The following ARMC9 variants were observed in gnomAD, a reference collection of about 807,000 sequenced individuals.
The protein encoded by ARMC9 is armadillo repeat containing 9.
A neutral mutation model predicts 107.0 loss-of-function variants in ARMC9; 94 were observed. The observed-to-expected ratio is 0.88, with a 90% CI of 0.74 to 1.04. The LOEUF is 1.04. ARMC9 is among the 50% of genes least tolerant of loss of function. ARMC9 has a pLI of 0.00. For synonymous variants in ARMC9, 380 were observed against 396.9 expected (o/e 0.96, Z 0.51); for missense variants, 942 against 1,030.1 (o/e 0.91, Z 1.17).
intron 9 of ARMC9, among the ~76,000 whole-genome samples, chr2:231,245,231 G>A (rs2036646861): frequency 6.6e-6 from 1 of 152,186 alleles, no homozygotes; most frequent in African/African-American, 2.4e-5. Flanking sequence ...CTGGGATATG[G>A]GAGAAATCAG....
chr2:231,365,228 T>C (rs1044853645), intron 23 of ARMC9, among the ~76,000 whole-genome samples: 1 of 152,154 alleles, frequency 6.6e-6, no homozygotes, highest in African/African-American at 2.4e-5. Flanking sequence ...CAGAAACGCA[T>C]GGGACTGAGT....
chr2:231,341,189 CT>C (rs2044479427), intron 20 of ARMC9, among the ~76,000 whole-genome samples: 1 of 152,188 alleles, frequency 6.6e-6, no homozygotes. Flanking sequence ...AAGACCTTGT[CT>C]AAAAAACCTA....
At chr2:231,366,218 T>A (rs61467008) in intron 23 of ARMC9, among the ~76,000 whole-genome samples, 23,255 of 148,566 alleles carry the variant, frequency 0.16, 4,172 homozygotes, top group African/African-American at 0.44. Flanking sequence ...GGAATATCAG[T>A]CTTTTTCTAT....
At position 231,374,062 on chromosome 2, in the gene ARMC9, A is replaced by G. The variant is rs1454992741; in HGVS notation, c.*2527A>G. ...TGACAGCTAGAAATATACTTTGTAA[A>G]ATACCAACAACTTATTCACAAATAT... On this transcript the variant is annotated 3_prime_UTR_variant, in exon 25 of 25. Coordinates refer to ENST00000611582, the MANE Select transcript of ARMC9 (RefSeq NM_001352754.2). 6.6e-6 allele frequency: 1 copy of G among 152,214 alleles called. No homozygotes were observed. The highest frequency in any genetic ancestry group is 1.5e-5 in the Non-Finnish European group (1 of 68,044). 9.4% of individuals were successfully genotyped at this position (152,214 alleles called of 1,614,324 possible).
At chr2:231,356,965 G>A (rs1293019825) in intron 22 of ARMC9, among the ~76,000 whole-genome samples, 1 of 152,034 alleles carries the variant, frequency 6.6e-6, no homozygotes, top group African/African-American at 2.4e-5. Flanking sequence ...GTAACGTAGC[G>A]GTAACATCCT....
intron 19 of ARMC9, among the ~76,000 whole-genome samples, chr2:231,314,764 CTTCT>C (rs1438244097): frequency 2.0e-5 from 3 of 152,170 alleles, no homozygotes; most frequent in African/African-American, 7.2e-5. Context: ...TTTATGTTTC[CTTCT>C]AAGGGCTTTG....
Position 231,369,987 on chromosome 2 carries a change from G to T in ARMC9, c.2296G>T (p.Ala766Ser), listed in dbSNP as rs1203356320. 4 of 1,529,666 alleles carry T rather than the reference G, an allele frequency of 2.6e-6. No homozygotes were observed. The highest frequency in any genetic ancestry group is 3.5e-6 in the Non-Finnish European group (4 of 1,142,796). The allele number at this position is 1,529,666 out of a possible 1,614,324, so 94.8% of individuals were successfully genotyped here. A position where few individuals can be genotyped will look rare whatever the true frequency, so the allele number is the denominator to read the frequency against. The change falls in exon 24 of 25, where the codon GCC becomes TCC. Residue 766 changes from alanine (A) to serine (S), a missense_variant. Physicochemically the swap from Ala to Ser is moderately conservative, Grantham distance 99. Transcript: ENST00000611582. The stretch of plus-strand genomic sequence containing the variant: ...ATCAGCCTTCACCTGCAAGCCCCGG[G>T]CCCCCTGCACTCCAGAGATGCTGGA... Reference protein sequence around the residue: ...CASAFTCKPRAPCTPEMLDWN... With the variant: ...CASAFTCKPRSPCTPEMLDWN...
chr2:231,252,364 C>T (rs890070015), intron 9 of ARMC9, among the ~76,000 whole-genome samples: 10 of 152,182 alleles, frequency 6.6e-5, no homozygotes, highest in African/African-American at 2.4e-4. Flanking sequence ...ATTCTCCTTC[C>T]GCAGCCTCCC....
At position 231,374,598 on chromosome 2, in the gene ARMC9, GAAAA is replaced by G. The variant is rs113064955; in HGVS notation, c.*3069_*3072del. ...AAATAGTTGAACAAATAAGGTTCAT[GAAAA>G]AAAAAGAAAAGAAAGAAAAGGTAAA... On this transcript the variant is annotated 3_prime_UTR_variant, in exon 25 of 25. Transcript: ENST00000611582. The G allele has an allele frequency of 6.7e-6, 1 of 149,218 alleles. No individual in the cohort carries two copies. The highest frequency in any genetic ancestry group is 6.7e-5 in the Admixed American group (1 of 14,968). 9.2% of individuals were successfully genotyped at this position (149,218 alleles called of 1,614,324 possible).
intron 2 of ARMC9, among the ~76,000 whole-genome samples, chr2:231,206,724 C>T (rs2032055037): frequency 6.6e-6 from 1 of 152,200 alleles, no homozygotes; most frequent in African/African-American, 2.4e-5. Flanking sequence ...ATTTGAATGC[C>T]ATAGAGTATT....
rs906176623 is a variant in ARMC9 at position 231,297,512 on chromosome 2, G to A, written c.1773+1259G>A. Among the ~76,000 whole-genome samples the A allele has an allele frequency of 5.3e-5, 8 of 152,196 alleles. No homozygotes were observed. The highest frequency in any genetic ancestry group is 2.1e-4 in the South Asian group (1 of 4,836). On this transcript the variant is annotated intron_variant, in intron 19 of 24. Coordinates refer to ENST00000611582, the MANE Select transcript of ARMC9 (RefSeq NM_001352754.2). This position sits in a 1 kb window ranked among gnomAD's most constrained non-coding sequence, Gnocchi z 4.2. ...CCACTCAATTCTGCCATTGTAACACGGTGGCTGTCAGCAGTACATAAGTGG... is the reference window on the plus strand; with the variant it reads ...CCACTCAATTCTGCCATTGTAACACAGTGGCTGTCAGCAGTACATAAGTGG...
At chr2:231,208,599 C>A (rs1268658434) in intron 3 of ARMC9, among the ~76,000 whole-genome samples, 1 of 152,202 alleles carries the variant, frequency 6.6e-6, no homozygotes, top group African/African-American at 2.4e-5. Flanking sequence ...CAAAATCCAG[C>A]CCCTTGCCAG....
intron 18 of ARMC9, among the ~76,000 whole-genome samples, chr2:231,292,167 C>CAAG (rs1456210343): frequency 1.8e-5 from 1 of 56,096 alleles, no homozygotes; most frequent in East Asian, 5.5e-4. Flanking sequence ...AACTCCTTCT[C>CAAG]AAAAAAAAAA....
At chr2:231,324,995 G>A (rs6437013) in intron 19 of ARMC9, among the ~76,000 whole-genome samples, 71,305 of 151,648 alleles carry the variant, frequency 0.47, 18,094 homozygotes, top group Non-Finnish European at 0.56. Flanking sequence ...AGTCCGAGAG[G>A]GGTGGATCAC....
At position 231,362,941 on chromosome 2, in the gene ARMC9, C is replaced by A. The variant is rs116611465; in HGVS notation, c.2261+2058C>A. ...CCACAGTCCCTCCACGGGGCGGAGA[C>A]CCCACTGTGTTGTCATGTGGCTGCC... On this transcript the variant is annotated intron_variant, in intron 23 of 24. Coordinates refer to ENST00000611582, the MANE Select transcript of ARMC9 (RefSeq NM_001352754.2). The surrounding 1 kb of genome is among the most constrained non-coding windows in gnomAD (Gnocchi z 4.7). The A allele has an allele frequency of 0.026, 4,034 of 153,560 alleles. 181 individuals are homozygous for A. Among genetic ancestry groups the A allele is most frequent in the African/African-American group, 0.091 (3,768 of 41,572 alleles). The allele number at this position is 153,560 out of a possible 1,614,324, so 9.5% of individuals were successfully genotyped here. A position where few individuals can be genotyped will look rare whatever the true frequency, so the allele number is the denominator to read the frequency against.
At chr2:231,253,087 TTA>T (rs1475047808) in intron 9 of ARMC9, among the ~76,000 whole-genome samples, 3 of 150,770 alleles carry the variant, frequency 2.0e-5, no homozygotes, top group Admixed American at 6.6e-5. Flanking sequence ...TTTTTTAATT[TTA>T]GTTTTTATTT....
intron 19 of ARMC9, among the ~76,000 whole-genome samples, chr2:231,309,126 C>T (rs1460212333): frequency 3.3e-5 from 5 of 152,262 alleles, no homozygotes; most frequent in African/African-American, 1.2e-4. Flanking sequence ...TTCTGCAACA[C>T]TGCTCGTGTG....
At chr2:231,273,245 T>A (rs539896593) in intron 14 of ARMC9, among the ~76,000 whole-genome samples, 167 bp downstream of exon 14, 107 of 152,376 alleles carry the variant, frequency 7.0e-4, no homozygotes, top group Non-Finnish European at 1.4e-3. Context: ...TAAACTATCC[T>A]GCGCAAGGCT....
intron 23 of ARMC9, among the ~76,000 whole-genome samples, chr2:231,363,944 A>G (rs1488244680): frequency 6.7e-6 from 1 of 150,260 alleles, no homozygotes; most frequent in Non-Finnish European, 1.5e-5. Flanking sequence ...CCTTCCCCCA[A>G]CCCCCATGGT....
Sources: gnomAD v4.1 joint callset for allele counts (sites outside exome capture counted in the v4.1 genomes callset) on GRCh38, gnomAD v4.1.1 for gene constraint, Gnocchi (gnomAD v3.1) non-coding constraint, MANE v1.5 for transcripts, NCBI Gene and HGNC (gene_info 2026-07-23, HGNC 2026-07-21) for gene names.